The following GRIK3 variants were observed in gnomAD, a reference collection of about 807,000 sequenced individuals.
The protein encoded by GRIK3 is glutamate ionotropic receptor kainate type subunit 3.
In GRIK3, 29 loss-of-function variants were observed where a neutral mutation model predicts 102.5. That is an observed-to-expected ratio of 0.28 (90% CI 0.21 to 0.39). GRIK3 has a LOEUF of 0.39. Ranked by LOEUF, GRIK3 falls within the 10% of genes least tolerant of loss-of-function variation. The probability of loss-of-function intolerance (pLI) is 1.00; values close to 1 mark genes in which losing one functional copy is unlikely to be tolerated. For synonymous variants in GRIK3, 511 were observed against 504.9 expected (o/e 1.01, Z -0.16); for missense variants, 908 against 1,252.4 (o/e 0.73, Z 4.15).
At chr1:36,931,996 T>C (rs929207084) in intron 1 of GRIK3, among the ~76,000 whole-genome samples, 8 of 152,190 alleles carry the variant, frequency 5.3e-5, no homozygotes, top group Non-Finnish European at 1.0e-4. Flanking sequence ...CATCCTGTCC[T>C]GCCCCCTATC....
At position 36,797,844 on chromosome 1, in the gene GRIK3, G is replaced by C. The variant is rs744447; in HGVS notation, c.*4007C>G. 8.1e-3 allele frequency: 1,238 copies of C among 152,514 alleles called. 8 individuals carry two copies. Among genetic ancestry groups the C allele is most frequent in the South Asian group, 0.018 (86 of 4,830 alleles). 9.4% of individuals were successfully genotyped at this position (152,514 alleles called of 1,614,324 possible). A position where few individuals can be genotyped will look rare whatever the true frequency, so the allele number is the denominator to read the frequency against. ...AAAAGTAGGCAGAAAGGGAGCTTTT[G>C]ATCGTTCTTGGTGAGTGCACGCCTG... On this transcript the variant is annotated 3_prime_UTR_variant, in exon 16 of 16. Transcript: ENST00000373091.
At chr1:36,844,588 T>C (rs1233606909) in intron 9 of GRIK3, among the ~76,000 whole-genome samples, 1 of 152,192 alleles carries the variant, frequency 6.6e-6, no homozygotes, top group Non-Finnish European at 1.5e-5. Context: ...TCCCAGAGGA[T>C]CCACCAACCA....
In GRIK3 at chr1:36,934,680, C is replaced by A. The variant is rs76437615; in HGVS notation, c.116-43584G>T. ...CTCTCCCAGTGCCACGTTGCTGGGG[C>A]CTCGCTTATCCCTGTACTAAGGTGC... On this transcript the variant is annotated intron_variant, in intron 1 of 15. Coordinates refer to ENST00000373091, the MANE Select transcript of GRIK3 (RefSeq NM_000831.4). 6.7e-3 allele frequency among the ~76,000 whole-genome samples: 1,014 copies of A among 152,278 alleles called. 9 individuals are homozygous for A. Among genetic ancestry groups the A allele is most frequent in the African/African-American group, 0.024 (977 of 41,544 alleles).
At chr1:36,908,506 G>A (rs551748156) in intron 1 of GRIK3, among the ~76,000 whole-genome samples, 3 of 152,298 alleles carry the variant, frequency 2.0e-5, no homozygotes, top group Admixed American at 2.0e-4. Context: ...TTGGGTCTCA[G>A]CTTCTGGAGA....
chr1:36,806,009 G>T lies in GRIK3; in HGVS notation c.2314+95C>A. 1.4e-6 allele frequency: 1 copy of T among 695,190 alleles called. No homozygotes were observed. 43.1% of individuals were successfully genotyped at this position (695,190 alleles called of 1,614,324 possible). A position where few individuals can be genotyped will look rare whatever the true frequency, so the allele number is the denominator to read the frequency against. On this transcript the variant is annotated intron_variant, in intron 14 of 15. Coordinates refer to ENST00000373091, the MANE Select transcript of GRIK3 (RefSeq NM_000831.4). The surrounding 1 kb of genome is among the most constrained non-coding windows in gnomAD (Gnocchi z 4.0). Reference sequence around the variant, plus strand: ...AAAACGTCACCTTTATCAGCCCCATGGAATGAGCTGTGAGACGGAGTGTGA... The same window carrying T: ...AAAACGTCACCTTTATCAGCCCCATTGAATGAGCTGTGAGACGGAGTGTGA...
intron 1 of GRIK3, among the ~76,000 whole-genome samples, chr1:36,936,928 T>G (rs1641665064): frequency 6.6e-6 from 1 of 152,066 alleles, no homozygotes; most frequent in Non-Finnish European, 1.5e-5. Context: ...GATGAAGAAT[T>G]GGGAGCTGGA....
At chr1:36,948,130 C>A (rs1320547381) in intron 1 of GRIK3, among the ~76,000 whole-genome samples, 1 of 152,108 alleles carries the variant, frequency 6.6e-6, no homozygotes, top group South Asian at 2.1e-4. Flanking sequence ...CCCCATGCAA[C>A]ACCTGGTATC....
intron 11 of GRIK3, among the ~76,000 whole-genome samples, chr1:36,823,414 C>CA (rs1438372539): frequency 7.7e-6 from 1 of 130,584 alleles, no homozygotes; most frequent in East Asian, 2.3e-4. Flanking sequence ...GCAGAGCTTG[C>CA]AGTGAGCTGA....
At chr1:36,978,403 T>C (rs558290188) in intron 1 of GRIK3, among the ~76,000 whole-genome samples, 1 of 152,372 alleles carries the variant, frequency 6.6e-6, no homozygotes, top group South Asian at 2.1e-4. Context: ...TGGACTCGGC[T>C]AGAAAGCAAA....
intron 10 of GRIK3, 76 bp downstream of exon 10, chr1:36,841,655 TGCCCA>T: frequency 8.1e-7 from 1 of 1,228,330 alleles, no homozygotes; most frequent in South Asian, 1.2e-5. Flanking sequence ...TCTGCCAGGC[TGCCCA>T]GCCCTGTGGT....
chr1:36,963,617 G>A (rs899658373), intron 1 of GRIK3, among the ~76,000 whole-genome samples: 1 of 152,152 alleles, frequency 6.6e-6, no homozygotes, highest in Admixed American at 6.5e-5. Flanking sequence ...GGGAAGTGGT[G>A]GAACTGGGAT....
intron 1 of GRIK3, among the ~76,000 whole-genome samples, chr1:36,978,759 T>C (rs1026013970): frequency 6.6e-6 from 1 of 152,196 alleles, no homozygotes; most frequent in Non-Finnish European, 1.5e-5. Context: ...AGCAGGATTC[T>C]GAGAGAGAGT....
chr1:36,814,218 T>G (rs1412197228), intron 13 of GRIK3, among the ~76,000 whole-genome samples: 1 of 152,074 alleles, frequency 6.6e-6, no homozygotes, highest in African/African-American at 2.4e-5. Flanking sequence ...CATCTTAGCA[T>G]GGAGGGAGGC....
intron 1 of GRIK3, among the ~76,000 whole-genome samples, chr1:37,005,900 C>T (rs368932323): frequency 6.6e-6 from 1 of 152,194 alleles, no homozygotes; most frequent in East Asian, 1.9e-4. Context: ...GCCTTGAATG[C>T]TGAGAAGGCT....
intron 1 of GRIK3, among the ~76,000 whole-genome samples, chr1:36,894,379 C>T (rs1187493258): frequency 6.6e-6 from 1 of 152,198 alleles, no homozygotes; most frequent in Non-Finnish European, 1.5e-5. Context: ...AGACGTACCA[C>T]ATTTTATTTT....
At chr1:36,895,959 A>G (rs1323159094) in intron 1 of GRIK3, among the ~76,000 whole-genome samples, 1 of 152,224 alleles carries the variant, frequency 6.6e-6, no homozygotes, top group African/African-American at 2.4e-5. Context: ...GCAAGCAAGA[A>G]GAGGGTGAAG....
At chr1:37,007,796 C>T (rs1485138144) in intron 1 of GRIK3, among the ~76,000 whole-genome samples, 1 of 152,166 alleles carries the variant, frequency 6.6e-6, no homozygotes, top group Non-Finnish European at 1.5e-5. Context: ...TGGTTGAGCA[C>T]AGTAGAAGCC....
chr1:37,012,049 G>C (rs990513484), intron 1 of GRIK3, among the ~76,000 whole-genome samples: 2 of 152,158 alleles, frequency 1.3e-5, no homozygotes, highest in African/African-American at 4.8e-5. Context: ...GGTGCTGGCC[G>C]AGGCAGCAAC....
chr1:37,023,484 G>C (rs191350186), intron 1 of GRIK3, among the ~76,000 whole-genome samples: 6 of 152,188 alleles, frequency 3.9e-5, no homozygotes, highest in African/African-American at 9.7e-5. Flanking sequence ...TATGAGTCCA[G>C]AGATGCCAAC....
Sources: gnomAD v4.1 joint callset for allele counts (sites outside exome capture counted in the v4.1 genomes callset) on GRCh38, gnomAD v4.1.1 for gene constraint, Gnocchi (gnomAD v3.1) non-coding constraint, MANE v1.5 for transcripts, NCBI Gene and HGNC (gene_info 2026-07-23, HGNC 2026-07-21) for gene names.